SLC35F3: variants seen among roughly 807,000 people sequenced by gnomAD.
The protein encoded by SLC35F3 is putative thiamine transporter SLC35F3.
SLC35F3 carries 25 observed loss-of-function variants against 49.9 expected under a neutral mutation model. That is an observed-to-expected ratio of 0.50 (90% CI 0.37 to 0.70). The LOEUF (loss-of-function observed/expected upper bound fraction) is 0.70. SLC35F3 is among the 30% of genes least tolerant of loss of function. The probability of loss-of-function intolerance (pLI) is 0.00; values close to 1 mark genes in which losing one functional copy is unlikely to be tolerated. For synonymous variants in SLC35F3, 275 were observed against 265.4 expected, an observed-to-expected ratio of 1.04 and a Z score of -0.35; for missense variants, 525 against 639.8, an observed-to-expected ratio of 0.82 and a Z score of 1.94.
chr1:234,174,560 G>C (rs1572081309), intron 2 of SLC35F3, among the ~76,000 whole-genome samples: 1 of 152,322 alleles, frequency 6.6e-6, no homozygotes, highest in East Asian at 1.9e-4. Flanking sequence ...CTGAGATTCA[G>C]AGAAGTCAGT....
intron 3 of SLC35F3, among the ~76,000 whole-genome samples, chr1:234,307,908 C>T (rs997248879): frequency 1.4e-4 from 21 of 152,210 alleles, no homozygotes; most frequent in Non-Finnish European, 2.5e-4. Context: ...TCAACCAAGC[C>T]TTCTCAGTGG....
At chr1:234,193,112 C>G (rs1375249874) in intron 2 of SLC35F3, among the ~76,000 whole-genome samples, 1 of 151,976 alleles carries the variant, frequency 6.6e-6, no homozygotes, top group African/African-American at 2.4e-5. Context: ...ACATGTGGAA[C>G]CAAAAAAGAG....
At chr1:234,133,941 A>T (rs1399373814) in intron 2 of SLC35F3, among the ~76,000 whole-genome samples, 1 of 152,186 alleles carries the variant, frequency 6.6e-6, no homozygotes, top group Non-Finnish European at 1.5e-5. Flanking sequence ...GTGGATGAAT[A>T]TGTGACCACA....
chr1:234,066,043 T>C (rs928894767), intron 2 of SLC35F3, among the ~76,000 whole-genome samples: 2 of 152,212 alleles, frequency 1.3e-5, no homozygotes, highest in African/African-American at 4.8e-5. Context: ...GGCACGATTC[T>C]GCTCTGGTAT....
intron 2 of SLC35F3, among the ~76,000 whole-genome samples, chr1:234,094,375 A>C (rs542712046): frequency 1.3e-5 from 2 of 152,250 alleles, no homozygotes; most frequent in Admixed American, 1.3e-4. Context: ...GCAATGAATT[A>C]TCTTAAGTTC....
chr1:233,946,413 A>C (rs1468689093), intron 2 of SLC35F3, among the ~76,000 whole-genome samples: 1 of 152,258 alleles, frequency 6.6e-6, no homozygotes, highest in Non-Finnish European at 1.5e-5. Flanking sequence ...TACAAATAAA[A>C]ATTAAGAAAA....
intron 3 of SLC35F3, among the ~76,000 whole-genome samples, chr1:234,278,906 A>G (rs913892658): frequency 2.6e-5 from 4 of 151,452 alleles, no homozygotes; most frequent in South Asian, 4.1e-4. Flanking sequence ...AGGATTCAAC[A>G]TATGAATTTT....
intron 2 of SLC35F3, among the ~76,000 whole-genome samples, chr1:234,074,601 G>A (rs763094100): frequency 1.3e-5 from 2 of 152,182 alleles, no homozygotes; most frequent in East Asian, 1.9e-4. Flanking sequence ...GGCAAGACAG[G>A]CAGGGGTGGA....
chr1:234,270,663 G>T (rs967836306), intron 3 of SLC35F3, among the ~76,000 whole-genome samples: 2 of 152,208 alleles, frequency 1.3e-5, no homozygotes, highest in African/African-American at 4.8e-5. Flanking sequence ...TGCTGGCCCA[G>T]CCCTGCTAAC....
intron 2 of SLC35F3, among the ~76,000 whole-genome samples, chr1:234,022,970 A>G (rs535230579): frequency 6.6e-6 from 1 of 152,326 alleles, no homozygotes; most frequent in Non-Finnish European, 1.5e-5. Flanking sequence ...ACACTAGTAC[A>G]GCAGTACAGT....
chr1:234,307,051 A>T (rs2102992942), intron 3 of SLC35F3, among the ~76,000 whole-genome samples: 1 of 152,322 alleles, frequency 6.6e-6, no homozygotes, highest in South Asian at 2.1e-4. Context: ...TAGCCACCAT[A>T]ATCACAAACA....
Position 234,189,377 on chromosome 1 carries a change from C to T in SLC35F3, c.284-42040C>T, listed in dbSNP as rs538585973. 2.9e-4 allele frequency among the ~76,000 whole-genome samples: 44 copies of T among 150,132 alleles called. No homozygotes were observed. The South Asian group carries it at 8.3e-3, about 28-fold the overall frequency. On this transcript the variant is annotated intron_variant, in intron 2 of 7. Coordinates refer to ENST00000366618, the MANE Select transcript of SLC35F3 (RefSeq NM_173508.4). Reference sequence around the variant, plus strand: ...ATAGATAGCATAAATAAAAAATAGTCACAACTTCAGGAAATAAAGGACACA... The same window carrying T: ...ATAGATAGCATAAATAAAAAATAGTTACAACTTCAGGAAATAAAGGACACA...
At chr1:234,301,856 G>A (rs1264653048) in intron 3 of SLC35F3, among the ~76,000 whole-genome samples, 2 of 152,216 alleles carry the variant, frequency 1.3e-5, no homozygotes, top group Non-Finnish European at 2.9e-5. Context: ...ATACTATGCA[G>A]CCATGAAAAG....
intron 3 of SLC35F3, among the ~76,000 whole-genome samples, chr1:234,282,770 A>T (rs887176737): frequency 2.0e-5 from 3 of 152,170 alleles, no homozygotes; most frequent in African/African-American, 7.2e-5. Flanking sequence ...TGGGCCTGGC[A>T]TTGGCATGGG....
Position 234,214,612 on chromosome 1 carries a change from C to T in SLC35F3, c.284-16805C>T. ...CGCCTCGCCCCGGGGGTCCCTGCAC[C>T]CTAGCCGGGGAATGCTGCCACCCTG... On this transcript the variant is annotated intron_variant, in intron 2 of 7. Transcript: ENST00000366618. The surrounding 1 kb of genome is among the most constrained non-coding windows in gnomAD (Gnocchi z 8.0). 1.3e-6 allele frequency: 2 copies of T among 1,511,086 alleles called. No homozygotes were observed. The highest frequency in any genetic ancestry group is 1.8e-6 in the Non-Finnish European group (2 of 1,129,066). 93.6% of individuals were successfully genotyped at this position (1,511,086 alleles called of 1,614,324 possible). A position where few individuals can be genotyped will look rare whatever the true frequency, so the allele number is the denominator to read the frequency against.
chr1:234,245,221 T>G (rs1281156661), intron 3 of SLC35F3, among the ~76,000 whole-genome samples: 2 of 152,234 alleles, frequency 1.3e-5, no homozygotes, highest in African/African-American at 4.8e-5. Context: ...CATGCAGTAT[T>G]TCTCTTTCTG....
chr1:233,985,132 A>G (rs978223804), intron 2 of SLC35F3, among the ~76,000 whole-genome samples: 4 of 152,220 alleles, frequency 2.6e-5, no homozygotes, highest in African/African-American at 9.6e-5. Context: ...CCCTTAAAGG[A>G]CAGAAAGAAT....
chr1:234,291,048 G>A (rs1336569246), intron 3 of SLC35F3, among the ~76,000 whole-genome samples: 1 of 152,110 alleles, frequency 6.6e-6, no homozygotes, highest in Non-Finnish European at 1.5e-5. Flanking sequence ...ACGTGAAAAA[G>A]CCAAAGGCTG....
At position 234,323,280 on chromosome 1, in the gene SLC35F3, G is replaced by C. The variant is rs775593646; in HGVS notation, c.*37G>C. 8 of 1,577,952 alleles carry C rather than the reference G, an allele frequency of 5.1e-6. No individual in the cohort carries two copies. Among genetic ancestry groups the C allele is most frequent in the Middle Eastern group, 3.3e-4 (2 of 6,002 alleles). On this transcript the variant is annotated 3_prime_UTR_variant, in exon 8 of 8. Coordinates refer to ENST00000366618, the MANE Select transcript of SLC35F3 (RefSeq NM_173508.4). The surrounding 1 kb of genome is among the most constrained non-coding windows in gnomAD (Gnocchi z 4.5). ...TAGAACTCGGTGGTAATGACTGGGA[G>C]GTCTATTCCTGCCGGGAGGAACCTC...
Sources: allele counts gnomAD v4.1 joint callset (sites outside exome capture counted in the v4.1 genomes callset), GRCh38; gene constraint gnomAD v4.1.1; non-coding constraint Gnocchi (gnomAD v3.1); transcripts MANE v1.5; gene names NCBI Gene and HGNC (gene_info 2026-07-23, HGNC 2026-07-21).